MAT1A: variants seen among roughly 807,000 people sequenced by gnomAD.
MAT1A encodes S-adenosylmethionine synthase isoform type-1.
Under a neutral mutation model 44.0 loss-of-function variants are expected in MAT1A, and 19 were observed. The ratio of observed to expected loss-of-function variants is 0.43; its 90% CI spans 0.30 to 0.63. MAT1A has a LOEUF of 0.63. Among genes scored for constraint, MAT1A ranks in the 30% least tolerant of loss-of-function variants. The pLI is 0.12. For missense variants in MAT1A, 397 were observed against 531.0 expected (o/e 0.75, Z 2.48); for synonymous variants, 205 against 205.6 (o/e 1.00, Z 0.03).
At chr10:80,285,960 G>C (rs1461487987) in intron 1 of MAT1A, among the ~76,000 whole-genome samples, 2 of 151,888 alleles carry the variant, frequency 1.3e-5, no homozygotes, top group Non-Finnish European at 2.9e-5. Flanking sequence ...CAGGTAGCTA[G>C]GATTACAGGC....
intron 6 of MAT1A, 115 bp downstream of exon 6, chr10:80,276,261 T>A (rs1841484461): frequency 9.6e-7 from 1 of 1,038,680 alleles, no homozygotes; most frequent in Non-Finnish European, 1.5e-6. Context: ...ATTTAGTCCA[T>A]GGCCAGAGTC....
chr10:80,273,942 C>G, intron 8 of MAT1A, 59 bp from the exon 9 acceptor site: 1 of 1,256,944 alleles, frequency 8.0e-7, no homozygotes, highest in Non-Finnish European at 1.2e-6. Context: ...GGGTTTCTTT[C>G]TCCATTTCAA....
intron 5 of MAT1A, among the ~76,000 whole-genome samples, chr10:80,279,879 T>A (rs940577567): frequency 1.3e-5 from 2 of 152,084 alleles, no homozygotes; most frequent in Non-Finnish European, 2.9e-5. Context: ...CAGTTAAGTA[T>A]GTTTGTGGCA....
intron 5 of MAT1A, 124 bp downstream of exon 5, chr10:80,280,049 G>C: frequency 8.6e-7 from 1 of 1,160,464 alleles, no homozygotes; most frequent in Non-Finnish European, 1.3e-6. Context: ...TTTCAAAACT[G>C]ACCATTCTTT....
At chr10:80,281,526 C>A (rs910032697) in intron 3 of MAT1A, among the ~76,000 whole-genome samples, 1 of 152,120 alleles carries the variant, frequency 6.6e-6, no homozygotes, top group Non-Finnish European at 1.5e-5. Flanking sequence ...ACCGTGCGCA[C>A]CTCCTCACAG....
chr10:80,275,760 C>T (rs1841477172), intron 6 of MAT1A, among the ~76,000 whole-genome samples: 1 of 152,216 alleles, frequency 6.6e-6, no homozygotes, highest in Non-Finnish European at 1.5e-5. Context: ...TAAGTGTTAC[C>T]TCCTTCTACT....
chr10:80,277,077 G>T (rs993935001), intron 5 of MAT1A, among the ~76,000 whole-genome samples: 1 of 152,180 alleles, frequency 6.6e-6, no homozygotes, highest in Non-Finnish European at 1.5e-5. Flanking sequence ...GAGCTGCATG[G>T]GCTGGTAGAC....
chr10:80,277,307 G>A (rs1841503091), intron 5 of MAT1A, among the ~76,000 whole-genome samples: 1 of 152,138 alleles, frequency 6.6e-6, no homozygotes, highest in Non-Finnish European at 1.5e-5. Context: ...AGAACCACGG[G>A]GCAGCAAACA....
rs1260576848 is a variant in MAT1A at position 80,289,385 on chromosome 10, T to TA, written c.38dup (p.Ser14LysfsTer2). ...ATGTGAACATGAAGACTCCTTCACT[T>TA]AGAGAGTGGTCACACAAGCCATCCA... On this transcript the variant is annotated frameshift_variant, in exon 1 of 9. Transcript: ENST00000372213. LOFTEE classifies it high-confidence loss of function. 6.2e-7 allele frequency: 1 copy of TA among 1,614,188 alleles called. No homozygotes were observed. The highest frequency in any genetic ancestry group is 2.2e-5 in the East Asian group (1 of 44,886).
chr10:80,276,818 G>A (rs546126916), intron 5 of MAT1A, among the ~76,000 whole-genome samples: 1 of 152,364 alleles, frequency 6.6e-6, no homozygotes, highest in African/African-American at 2.4e-5. Flanking sequence ...ATTCCCACAT[G>A]GGGCCACAAT....
chr10:80,289,487 A>T lies in MAT1A; in HGVS notation c.-64T>A. ...AATTTTGAGGCTGTGACTTTGCCTG[A>T]GTTTTTTTTTCTTCTTCTTCTTCTT... On this transcript the variant is annotated 5_prime_UTR_variant, in exon 1 of 9. Coordinates refer to ENST00000372213, the MANE Select transcript of MAT1A (RefSeq NM_000429.3). The T allele has an allele frequency of 8.6e-7, 1 of 1,158,588 alleles. No individual in the cohort carries two copies. Among genetic ancestry groups the T allele is most frequent in the Non-Finnish European group, 1.2e-6 (1 of 801,458 alleles). 71.8% of individuals were successfully genotyped at this position (1,158,588 alleles called of 1,614,324 possible).
chr10:80,280,942 A>G (rs1841558603), intron 3 of MAT1A, 150 bp from the exon 4 acceptor site: 1 of 706,686 alleles, frequency 1.4e-6, no homozygotes, highest in Non-Finnish European at 2.6e-6. Context: ...CCCACAGCTG[A>G]GGCCCAGGAT....
rs142743790 is a variant in MAT1A at position 80,276,421 on chromosome 10, G to C, written c.723C>G (p.Val241=). 8.7e-6 allele frequency: 14 copies of C among 1,614,204 alleles called. No homozygotes were observed. In the African/African-American group the frequency reaches 1.6e-4, roughly 18 times the overall value. ...VPAKYLDEDT[V]YHLQPSGRFV... Reference sequence around the variant, plus strand: ...ACCGCCCACTGGGCTGCAGGTGGTAGACGGTGTCTTCGTCCAGGTACTTGG... The same window carrying C: ...ACCGCCCACTGGGCTGCAGGTGGTACACGGTGTCTTCGTCCAGGTACTTGG... Residue 241 remains valine, a synonymous_variant, in exon 6 of 9, where the codon GTC becomes GTG. Coordinates refer to ENST00000372213, the MANE Select transcript of MAT1A (RefSeq NM_000429.3).
chr10:80,282,247 A>T (rs775727941), intron 3 of MAT1A, among the ~76,000 whole-genome samples: 6 of 152,190 alleles, frequency 3.9e-5, no homozygotes, highest in Non-Finnish European at 8.8e-5. Flanking sequence ...AACTTAGGGG[A>T]CCAAGAGGGG....
Position 80,289,417 on chromosome 10 carries a change from C to T in MAT1A, c.7G>A (p.Gly3Arg), listed in dbSNP as rs1841692005. The T allele has an allele frequency of 6.2e-7, 1 of 1,613,198 alleles. No individual in the cohort carries two copies. Among genetic ancestry groups the T allele is most frequent in the East Asian group, 2.2e-5 (1 of 44,894 alleles). ...TGGTCACACAAGCCATCCACCGGTC[C>T]ATTCATCTTCTCACACTTCTCCACT... MN[G>R]PVDGLCDHSL... The change falls in exon 1 of 9, where the codon GGA becomes AGA. Residue 3 changes from glycine (G) to arginine (R), a missense_variant. By Grantham distance (125) the Gly-to-Arg change is moderately radical. Coordinates refer to ENST00000372213, the MANE Select transcript of MAT1A (RefSeq NM_000429.3).
At chr10:80,275,437 GC>G in intron 6 of MAT1A, 1 of 579,894 alleles carries the variant, frequency 1.7e-6, no homozygotes, top group Non-Finnish European at 3.1e-6. Flanking sequence ...CAGAAGGTGG[GC>G]CAGGGGTTCT....
In MAT1A at chr10:80,289,485, T is replaced by C; in HGVS notation, c.-62A>G. The C allele has an allele frequency of 7.7e-7, 1 of 1,294,486 alleles. No individual in the cohort carries two copies. The highest frequency in any genetic ancestry group is 1.1e-6 in the Non-Finnish European group (1 of 915,304). The allele number at this position is 1,294,486 out of a possible 1,614,324, so 80.2% of individuals were successfully genotyped here. ...ACAATTTTGAGGCTGTGACTTTGCC[T>C]GAGTTTTTTTTTCTTCTTCTTCTTC... On this transcript the variant is annotated 5_prime_UTR_variant, in exon 1 of 9. Transcript: ENST00000372213.
intron 5 of MAT1A, among the ~76,000 whole-genome samples, chr10:80,276,969 C>T (rs1841497407): frequency 6.6e-6 from 1 of 152,198 alleles, no homozygotes; most frequent in Non-Finnish European, 1.5e-5. Flanking sequence ...CAGGAGGTAT[C>T]TCTCCTCCTG....
rs983327842 is a variant in MAT1A at position 80,272,308 on chromosome 10, G to C, written c.*1473C>G. On this transcript the variant is annotated 3_prime_UTR_variant, in exon 9 of 9. Coordinates refer to ENST00000372213, the MANE Select transcript of MAT1A (RefSeq NM_000429.3). ...TAGAGATGCTGCTGTCAGAGGTCCAGGCTAAGGACAAGTGGGGCAGGTAGG... is the reference window on the plus strand; with the variant it reads ...TAGAGATGCTGCTGTCAGAGGTCCACGCTAAGGACAAGTGGGGCAGGTAGG... 6.5e-6 allele frequency: 1 copy of C among 153,318 alleles called. No homozygotes were observed. The highest frequency in any genetic ancestry group is 1.9e-4 in the East Asian group (1 of 5,234). 9.5% of individuals were successfully genotyped at this position (153,318 alleles called of 1,614,324 possible). A position where few individuals can be genotyped will look rare whatever the true frequency, so the allele number is the denominator to read the frequency against.
Sources: allele counts gnomAD v4.1 joint callset (sites outside exome capture counted in the v4.1 genomes callset), GRCh38; gene constraint gnomAD v4.1.1; transcripts MANE v1.5; gene names NCBI Gene and HGNC (gene_info 2026-07-23, HGNC 2026-07-21).